CSE1L: variants seen among roughly 807,000 people sequenced by gnomAD.
CSE1L encodes the protein exportin-2.
CSE1L carries 24 observed loss-of-function variants against 120.4 expected under a neutral mutation model. The observed-to-expected ratio is 0.20, with a 90% CI of 0.14 to 0.28. CSE1L has a LOEUF of 0.28. Ranked by LOEUF, CSE1L falls within the 10% of genes least tolerant of loss-of-function variation. CSE1L has a pLI of 1.00. For missense variants in CSE1L, 830 were observed against 1,145.2 expected, an observed-to-expected ratio of 0.72 and a Z score of 3.97; for synonymous variants, 402 against 398.3, an observed-to-expected ratio of 1.01 and a Z score of -0.11.
intron 16 of CSE1L, among the ~76,000 whole-genome samples, chr20:49,087,099 T>C (rs963126741): frequency 2.6e-5 from 4 of 152,244 alleles, no homozygotes; most frequent in Non-Finnish European, 5.9e-5. Flanking sequence ...AGAGCTTTTA[T>C]ACATTTTTAG....
chr20:49,055,858 G>A (rs1379817450), intron 1 of CSE1L, among the ~76,000 whole-genome samples: 1 of 151,476 alleles, frequency 6.6e-6, no homozygotes, highest in Non-Finnish European at 1.5e-5. Context: ...ATTTTGGAGT[G>A]TGTTTTTTGT....
intron 2 of CSE1L, among the ~76,000 whole-genome samples, chr20:49,060,259 G>A (rs1030855963): frequency 1.3e-5 from 2 of 149,158 alleles, no homozygotes; most frequent in East Asian, 2.0e-4. Context: ...CAAGGCAGGC[G>A]GATCATGAGG....
intron 14 of CSE1L, among the ~76,000 whole-genome samples, chr20:49,080,840 A>G (rs915422757): frequency 6.6e-6 from 1 of 152,082 alleles, no homozygotes; most frequent in African/African-American, 2.4e-5. Context: ...AACTACTACA[A>G]TCATAGCTCA....
chr20:49,075,252 T>C lies in CSE1L; in HGVS notation c.1133-66T>C, dbSNP rs1254815724. 5.4e-6 allele frequency: 7 copies of C among 1,300,568 alleles called. No homozygotes were observed. In the African/African-American group the frequency reaches 7.4e-5, roughly 14 times the overall value. 80.6% of individuals were successfully genotyped at this position (1,300,568 alleles called of 1,614,324 possible). On this transcript the variant is annotated intron_variant, in intron 11 of 24. Coordinates refer to ENST00000262982, the MANE Select transcript of CSE1L (RefSeq NM_001316.4). ...TTATTCCAGGCAATTTGTTTTCTTATAAATTGGATCAGCTTGTTGGTGGTT... is the reference window on the plus strand; with the variant it reads ...TTATTCCAGGCAATTTGTTTTCTTACAAATTGGATCAGCTTGTTGGTGGTT...
At chr20:49,073,202 A>G (rs1350910956) in intron 10 of CSE1L, among the ~76,000 whole-genome samples, 1 of 152,066 alleles carries the variant, frequency 6.6e-6, no homozygotes, top group East Asian at 1.9e-4. Flanking sequence ...TGGTAGAGAC[A>G]GGGTTTCACC....
chr20:49,066,611 G>A, intron 5 of CSE1L, 101 bp downstream of exon 5: 1 of 1,058,834 alleles, frequency 9.4e-7, no homozygotes. Flanking sequence ...CTTTGAATCT[G>A]ATCATCTTGG....
intron 1 of CSE1L, among the ~76,000 whole-genome samples, chr20:49,056,132 A>G (rs186619393): frequency 9.9e-5 from 15 of 151,586 alleles, no homozygotes; most frequent in African/African-American, 2.7e-4. Flanking sequence ...TTTTGGAGAC[A>G]AAGTCTCGCT....
intron 1 of CSE1L, among the ~76,000 whole-genome samples, chr20:49,056,266 C>T (rs982154758): frequency 3.9e-5 from 6 of 152,022 alleles, no homozygotes; most frequent in Admixed American, 6.6e-5. Flanking sequence ...CCACCATGCC[C>T]GGCTGATTTT....
intron 16 of CSE1L, among the ~76,000 whole-genome samples, chr20:49,086,346 G>C (rs928436258): frequency 6.3e-5 from 8 of 127,860 alleles, no homozygotes; most frequent in Admixed American, 2.3e-4. Context: ...TGTAATTATT[G>C]TTGTTTAATG....
chr20:49,072,743 T>A (rs1410536428), intron 10 of CSE1L, 46 bp downstream of exon 10: 1 of 1,518,802 alleles, frequency 6.6e-7, no homozygotes, highest in Non-Finnish European at 8.9e-7. Flanking sequence ...TAAGTCTGTG[T>A]TTGTTTTTTG....
chr20:49,077,722 T>C (rs1311255183), intron 13 of CSE1L, among the ~76,000 whole-genome samples: 2 of 152,116 alleles, frequency 1.3e-5, no homozygotes, highest in Non-Finnish European at 2.9e-5. Context: ...AGGATATCTT[T>C]TGGCCGGGTG....
In CSE1L at chr20:49,084,017, GTT is replaced by G. The variant is rs767074432; in HGVS notation, c.1483-4_1483-3del. On this transcript the variant is annotated splice_region_variant and splice_polypyrimidine_tract_variant and intron_variant, in intron 14 of 24. Transcript: ENST00000262982. ...GCATTTAGAGCATGTATATTATTGT[GTT>G]TTTTAGGTGCCAAAAGAACATCTTT... 1.9e-6 allele frequency: 3 copies of G among 1,611,598 alleles called. No individual in the cohort carries two copies. The highest frequency in any genetic ancestry group is 1.3e-5 in the African/African-American group (1 of 74,822).
chr20:49,048,176 A>G (rs940486010), intron 1 of CSE1L, among the ~76,000 whole-genome samples: 1 of 132,104 alleles, frequency 7.6e-6, no homozygotes, highest in Admixed American at 8.1e-5. Context: ...ACATGCTTTC[A>G]GAGGATCCTA....
chr20:49,067,112 C>T, intron 5 of CSE1L, 78 bp from the exon 6 acceptor site: 2 of 627,422 alleles, frequency 3.2e-6, no homozygotes, highest in Non-Finnish European at 5.4e-6. Flanking sequence ...GATGTCCAAT[C>T]AGCATCTCTC....
At chr20:49,096,069 C>T (rs1292872512) in intron 24 of CSE1L, 6 of 555,936 alleles carry the variant, frequency 1.1e-5, no homozygotes, top group African/African-American at 1.9e-5. Flanking sequence ...ATACGTTTCA[C>T]GCGTAAGTAC....
chr20:49,096,568 T>A lies in CSE1L; in HGVS notation c.*130T>A, dbSNP rs2092142864. On this transcript the variant is annotated 3_prime_UTR_variant, in exon 25 of 25. Coordinates refer to ENST00000262982, the MANE Select transcript of CSE1L (RefSeq NM_001316.4). ...ACGAATTCCATCTTGTAAAGGATAT[T>A]AAATGTTGCTTTAACCTGAACCTTG... is the stretch of plus-strand genomic sequence containing the variant. The A allele has an allele frequency of 1.4e-6, 1 of 716,254 alleles. No homozygotes were observed. The highest frequency in any genetic ancestry group is 2.4e-6 in the Non-Finnish European group (1 of 421,010). 44.4% of individuals were successfully genotyped at this position (716,254 alleles called of 1,614,324 possible). A position where few individuals can be genotyped will look rare whatever the true frequency, so the allele number is the denominator to read the frequency against.
chr20:49,080,771 C>G (rs976729268), intron 14 of CSE1L, among the ~76,000 whole-genome samples: 2 of 152,080 alleles, frequency 1.3e-5, no homozygotes, highest in African/African-American at 4.8e-5. Context: ...CCACCGCGCC[C>G]GGCCTTATTC....
At chr20:49,064,597 C>T (rs1166334246) in intron 3 of CSE1L, among the ~76,000 whole-genome samples, 1 of 152,088 alleles carries the variant, frequency 6.6e-6, no homozygotes, top group Non-Finnish European at 1.5e-5. Flanking sequence ...CCTGTAGTCC[C>T]AGCCATTAGG....
chr20:49,089,355 T>G lies in CSE1L; in HGVS notation c.1930T>G (p.Leu644Val). The stretch of plus-strand genomic sequence containing the variant: ...TGCTGTTGTAAATTTTGAGGAGGCT[T>G]TGTTTTTGGTGTTTACTGAAATCTT... ...PAAVVNFEEALFLVFTEILQN... is the reference protein window; with the variant it reads ...PAAVVNFEEAVFLVFTEILQN... The change falls in exon 18 of 25, where the codon TTG (leucine) becomes GTG (valine). Residue 644 changes from leucine to valine, a missense_variant. Physicochemically the swap from Leu to Val is conservative, Grantham distance 32. Coordinates refer to ENST00000262982, the MANE Select transcript of CSE1L (RefSeq NM_001316.4). 6.2e-7 allele frequency: 1 copy of G among 1,612,604 alleles called. No individual in the cohort carries two copies. The highest frequency in any genetic ancestry group is 1.1e-5 in the South Asian group (1 of 90,468).
Sources: gnomAD v4.1 joint callset for allele counts (sites outside exome capture counted in the v4.1 genomes callset) on GRCh38, gnomAD v4.1.1 for gene constraint, MANE v1.5 for transcripts, NCBI Gene and HGNC (gene_info 2026-07-23, HGNC 2026-07-21) for gene names.